The following TBC1D22A variants were observed in gnomAD, a reference collection of about 807,000 sequenced individuals.
TBC1D22A encodes the protein putative GTPase activator.
Under a neutral mutation model 60.2 loss-of-function variants are expected in TBC1D22A, and 38 were observed. The observed-to-expected ratio is 0.63, with a 90% CI of 0.49 to 0.83. The LOEUF is 0.83. Among genes scored for constraint, TBC1D22A ranks in the 40% least tolerant of loss-of-function variants. The probability of loss-of-function intolerance (pLI) is 0.00; values close to 1 mark genes in which losing one functional copy is unlikely to be tolerated. For synonymous variants in TBC1D22A, 302 were observed against 281.7 expected (o/e 1.07, Z -0.72); for missense variants, 628 against 701.0 (o/e 0.90, Z 1.18).
At chr22:46,852,518 G>T (rs115060918) in intron 4 of TBC1D22A, among the ~76,000 whole-genome samples, 1 of 152,176 alleles carries the variant, frequency 6.6e-6, no homozygotes, top group East Asian at 1.9e-4. Context: ...TCTCAGTGGC[G>T]TGAGGTCCTT....
At chr22:47,035,464 T>C (rs1486259990) in intron 10 of TBC1D22A, among the ~76,000 whole-genome samples, 2 of 152,214 alleles carry the variant, frequency 1.3e-5, no homozygotes, top group East Asian at 1.9e-4. Context: ...CACCCAGTTC[T>C]GCAGTTTCCA....
intron 11 of TBC1D22A, among the ~76,000 whole-genome samples, chr22:47,038,559 C>G (rs181956418): frequency 1.8e-4 from 27 of 152,330 alleles, no homozygotes; most frequent in Non-Finnish European, 2.9e-5. Context: ...TGCTGGGCCT[C>G]CGTGCTCTCC....
chr22:47,077,113 TG>T (rs1388238583), intron 11 of TBC1D22A, among the ~76,000 whole-genome samples: 1 of 152,366 alleles, frequency 6.6e-6, no homozygotes, highest in East Asian at 1.9e-4. Flanking sequence ...CACTTGTTCC[TG>T]GTGCCAATGG....
chr22:46,927,543 T>C (rs1033631609), intron 8 of TBC1D22A, among the ~76,000 whole-genome samples: 2 of 152,214 alleles, frequency 1.3e-5, no homozygotes, highest in African/African-American at 2.4e-5. Context: ...GAGTAAGATA[T>C]GGATATCTAC....
chr22:47,038,960 G>A (rs534270047), intron 11 of TBC1D22A, among the ~76,000 whole-genome samples: 3 of 152,288 alleles, frequency 2.0e-5, no homozygotes, highest in African/African-American at 4.8e-5. Flanking sequence ...TTAATATCCT[G>A]TAAATTGCGA....
At chr22:46,836,635 A>C (rs1202296012) in intron 4 of TBC1D22A, among the ~76,000 whole-genome samples, 5 of 152,154 alleles carry the variant, frequency 3.3e-5, no homozygotes, top group African/African-American at 1.2e-4. Flanking sequence ...ACCAATCGGT[A>C]ATTACTTTAA....
intron 11 of TBC1D22A, among the ~76,000 whole-genome samples, chr22:47,062,977 G>A (rs996230289): frequency 6.6e-6 from 1 of 152,148 alleles, no homozygotes; most frequent in African/African-American, 2.4e-5. Flanking sequence ...AAACAGCAGC[G>A]AGCGCAGGAA....
intron 8 of TBC1D22A, among the ~76,000 whole-genome samples, chr22:46,961,386 A>G (rs1478470219): frequency 6.6e-6 from 1 of 152,214 alleles, no homozygotes; most frequent in Non-Finnish European, 1.5e-5. Context: ...GCTCAAAGAC[A>G]CCAGCACCTT....
rs2878921 is a variant in TBC1D22A, at chr22:47,172,054, A to T, written c.1426-1444A>T. 8.6e-3 allele frequency among the ~76,000 whole-genome samples: 1,028 copies of T among 119,364 alleles called. 12 individuals carry two copies. Among genetic ancestry groups the T allele is most frequent in the African/African-American group, 0.02 (650 of 32,824 alleles). 78.3% of individuals were successfully genotyped at this position (119,364 alleles called of 152,430 possible). On this transcript the variant is annotated intron_variant, in intron 12 of 12. Coordinates refer to ENST00000337137, the MANE Select transcript of TBC1D22A (RefSeq NM_014346.5). ...GTGAGCCTACCCAGCACTCCCAGTG[A>T]GCCTACCCAGCACTCCCAGTGAGCC... is the stretch of plus-strand genomic sequence containing the variant.
intron 4 of TBC1D22A, among the ~76,000 whole-genome samples, chr22:46,861,580 A>T (rs1286979090): frequency 6.6e-6 from 1 of 152,230 alleles, no homozygotes; most frequent in East Asian, 1.9e-4. Flanking sequence ...TTGCATCCTC[A>T]GATTCTGTCT....
intron 9 of TBC1D22A, among the ~76,000 whole-genome samples, chr22:46,978,907 C>A (rs2074407946): frequency 6.6e-6 from 1 of 152,172 alleles, no homozygotes; most frequent in South Asian, 2.1e-4. Flanking sequence ...CCGCGCCCGG[C>A]CAGGAAGTGT....
intron 8 of TBC1D22A, among the ~76,000 whole-genome samples, chr22:46,958,801 T>C (rs551368954): frequency 2.6e-5 from 4 of 152,352 alleles, no homozygotes; most frequent in Non-Finnish European, 5.9e-5. Flanking sequence ...TTAGCATTTC[T>C]TTCTAGAAAG....
chr22:46,928,905 CAACTT>C (rs1409781997), intron 8 of TBC1D22A, among the ~76,000 whole-genome samples: 2 of 152,040 alleles, frequency 1.3e-5, no homozygotes, highest in African/African-American at 4.8e-5. Flanking sequence ...TGAACAATAA[CAACTT>C]AACAGTTACA....
chr22:47,076,315 ATATATATG>A (rs2064207487), intron 11 of TBC1D22A, among the ~76,000 whole-genome samples: 1 of 148,274 alleles, frequency 6.7e-6, no homozygotes, highest in African/African-American at 2.5e-5. Context: ...GGACTGATGT[ATATATATG>A]TATATGTGTG....
chr22:46,982,174 C>T (rs1411303656), intron 9 of TBC1D22A, among the ~76,000 whole-genome samples: 1 of 151,308 alleles, frequency 6.6e-6, no homozygotes, highest in Non-Finnish European at 1.5e-5. Flanking sequence ...TGGGCCTGAT[C>T]ACTCATCTCT....
intron 12 of TBC1D22A, among the ~76,000 whole-genome samples, chr22:47,167,877 A>T (rs900731120): frequency 2.0e-5 from 3 of 152,226 alleles, no homozygotes; most frequent in Non-Finnish European, 4.4e-5. Flanking sequence ...TTAGGTGCTC[A>T]GGCTCTAAAA....
At chr22:46,848,667 G>A (rs1249040592) in intron 4 of TBC1D22A, among the ~76,000 whole-genome samples, 1 of 152,180 alleles carries the variant, frequency 6.6e-6, no homozygotes, top group Non-Finnish European at 1.5e-5. Flanking sequence ...TCTGTATGAT[G>A]ATGTTTATGC....
chr22:46,868,444 T>G (rs2067154982), intron 4 of TBC1D22A, among the ~76,000 whole-genome samples: 1 of 152,174 alleles, frequency 6.6e-6, no homozygotes, highest in Non-Finnish European at 1.5e-5. Flanking sequence ...GATATCTCAT[T>G]ATATATATGC....
chr22:47,167,132 G>GTTC (rs1284552339), intron 12 of TBC1D22A, among the ~76,000 whole-genome samples: 3 of 152,220 alleles, frequency 2.0e-5, no homozygotes, highest in African/African-American at 7.2e-5. Context: ...CGATGACCAC[G>GTTC]TTCGTCTTTG....
Sources: allele counts gnomAD v4.1 joint callset (sites outside exome capture counted in the v4.1 genomes callset), GRCh38; gene constraint gnomAD v4.1.1; transcripts MANE v1.5; gene names NCBI Gene and HGNC (gene_info 2026-07-23, HGNC 2026-07-21).